CBLN2: variants seen among roughly 807,000 people sequenced by gnomAD.
CBLN2 encodes the protein cerebellin 2 precursor, also known as cerebellin-2.
A neutral mutation model predicts 15.0 loss-of-function variants in CBLN2; 7 were observed. The observed-to-expected ratio is 0.47, with a 90% CI of 0.27 to 0.88. The LOEUF (loss-of-function observed/expected upper bound fraction) is 0.88. CBLN2 is among the 40% of genes least tolerant of loss of function. CBLN2 has a pLI of 0.14. For synonymous variants in CBLN2, 149 were observed against 135.2 expected (o/e 1.10, Z -0.71); for missense variants, 242 against 304.5 (o/e 0.79, Z 1.53).
upstream of CBLN2, among the ~76,000 whole-genome samples, chr18:72,546,758 T>C (rs2069160999): frequency 6.6e-6 from 1 of 152,144 alleles, no homozygotes; most frequent in Admixed American, 6.5e-5. Context: ...AAGACAGGTG[T>C]TCACACAGAG....
chr18:72,589,701 G>A (rs1311894825), intron 1 of CBLN2, among the ~76,000 whole-genome samples: 2 of 152,190 alleles, frequency 1.3e-5, no homozygotes, highest in Admixed American at 6.5e-5. Flanking sequence ...ATGAGGTAGA[G>A]ACAAGACATA....
At chr18:72,545,477 T>C (rs1009444379), upstream of CBLN2, among the ~76,000 whole-genome samples, 4 of 152,224 alleles carry the variant, frequency 2.6e-5, no homozygotes, top group Admixed American at 2.6e-4. Context: ...ATGCTGGAGA[T>C]AGGTACTGGC....
At chr18:72,590,562 AAAC>A (rs781751097) in intron 1 of CBLN2, among the ~76,000 whole-genome samples, 18 of 152,358 alleles carry the variant, frequency 1.2e-4, no homozygotes, top group Middle Eastern at 3.4e-3. Context: ...TTTTTCTTAA[AAAC>A]AACAACAACA....
chr18:72,547,359 G>T (rs190982049), upstream of CBLN2, among the ~76,000 whole-genome samples: 2 of 152,120 alleles, frequency 1.3e-5, no homozygotes, highest in Non-Finnish European at 2.9e-5. Flanking sequence ...GGGCAGGAGG[G>T]TAGGAGGATG....
At chr18:72,607,458 T>C (rs1330188247) in intron 1 of CBLN2, among the ~76,000 whole-genome samples, 1 of 152,216 alleles carries the variant, frequency 6.6e-6, no homozygotes, top group African/African-American at 2.4e-5. Context: ...CTTTCTCCTG[T>C]AGGATCAGTT....
chr18:72,537,071 T>C lies in CBLN2; in HGVS notation c.*1105A>G, dbSNP rs1015234948. 6.6e-6 allele frequency: 1 copy of C among 152,216 alleles called. No individual in the cohort carries two copies. The highest frequency in any genetic ancestry group is 3.2e-3 in the Middle Eastern group (1 of 316). 9.4% of individuals were successfully genotyped at this position (152,216 alleles called of 1,614,324 possible). ...TGTTGGCTTTGAAGCACCTGATCAC[T>C]GTGCGCTCACTCAGAGGTGGATCCA... On this transcript the variant is annotated 3_prime_UTR_variant, in exon 5 of 5. Coordinates refer to ENST00000269503, the MANE Select transcript of CBLN2 (RefSeq NM_182511.4).
intron 1 of CBLN2, chr18:72,625,321 G>A (rs1197295292): frequency 6.6e-6 from 1 of 152,100 alleles, no homozygotes; most frequent in African/African-American, 2.4e-5. Flanking sequence ...CTCGGGCTGT[G>A]GACGCTCAGG....
intron 1 of CBLN2, among the ~76,000 whole-genome samples, chr18:72,567,744 C>G (rs962379236): frequency 1.2e-4 from 19 of 152,208 alleles, no homozygotes; most frequent in Non-Finnish European, 1.5e-4. Context: ...ATTCCTGTTA[C>G]ACAGATGCTC....
At chr18:72,546,785 T>C (rs1476833862), upstream of CBLN2, among the ~76,000 whole-genome samples, 1 of 152,190 alleles carries the variant, frequency 6.6e-6, no homozygotes, top group Non-Finnish European at 1.5e-5. Context: ...AGGAACATAT[T>C]CTAATATTAG....
chr18:72,551,249 C>T (rs974863449), intron 1 of CBLN2, among the ~76,000 whole-genome samples: 1 of 151,980 alleles, frequency 6.6e-6, no homozygotes, highest in African/African-American at 2.4e-5. Flanking sequence ...TATATATATA[C>T]ACATCTATAC....
intron 1 of CBLN2, among the ~76,000 whole-genome samples, chr18:72,599,370 A>C (rs1293551812): frequency 6.6e-6 from 1 of 152,240 alleles, no homozygotes; most frequent in Non-Finnish European, 1.5e-5. Flanking sequence ...TAATACAAAA[A>C]TGGATGTACC....
intron 1 of CBLN2, among the ~76,000 whole-genome samples, chr18:72,611,587 G>T (rs1039891430): frequency 6.6e-6 from 1 of 151,910 alleles, no homozygotes; most frequent in Non-Finnish European, 1.5e-5. Flanking sequence ...TTTTTAATGG[G>T]GTATTTGTTT....
At chr18:72,590,266 AAAAAACAAAAAAC>A (rs2069471570) in intron 1 of CBLN2, among the ~76,000 whole-genome samples, 1 of 151,620 alleles carries the variant, frequency 6.6e-6, no homozygotes, top group African/African-American at 2.4e-5. Context: ...CTCCGTCTCA[AAAAAACAAAAAAC>A]AAAAACAAAA....
chr18:72,548,816 A>G (rs974637450), upstream of CBLN2, among the ~76,000 whole-genome samples: 23 of 152,046 alleles, frequency 1.5e-4, no homozygotes, highest in African/African-American at 5.3e-4. Context: ...CTGCACCATA[A>G]ATGCACCCAG....
At chr18:72,541,744 C>G in intron 3 of CBLN2, 60 bp downstream of exon 3, 1 of 1,387,652 alleles carries the variant, frequency 7.2e-7, no homozygotes, top group South Asian at 1.4e-5. Flanking sequence ...CCAGCCCGCG[C>G]GCGCAGGTCC....
intron 1 of CBLN2, among the ~76,000 whole-genome samples, chr18:72,554,643 A>T (rs1444594965): frequency 6.6e-6 from 1 of 152,014 alleles, no homozygotes; most frequent in Non-Finnish European, 1.5e-5. Flanking sequence ...AAAAAAAAAA[A>T]TTGAATGCCT....
intron 1 of CBLN2, among the ~76,000 whole-genome samples, chr18:72,605,211 AT>A (rs964241111): frequency 6.6e-6 from 1 of 152,142 alleles, no homozygotes; most frequent in African/African-American, 2.4e-5. Flanking sequence ...TCTTTATTTT[AT>A]TTTATTTTAT....
chr18:72,576,140 C>A (rs527819222), intron 1 of CBLN2, among the ~76,000 whole-genome samples: 12 of 152,292 alleles, frequency 7.9e-5, no homozygotes, highest in African/African-American at 2.9e-4. Context: ...ACATTTACAA[C>A]GGCAGGTATT....
chr18:72,599,569 A>T (rs1294072964), intron 1 of CBLN2, among the ~76,000 whole-genome samples: 1 of 152,220 alleles, frequency 6.6e-6, no homozygotes, highest in Non-Finnish European at 1.5e-5. Flanking sequence ...TTGCTGATTA[A>T]CCAAATTAGA....
Sources: allele counts gnomAD v4.1 joint callset (sites outside exome capture counted in the v4.1 genomes callset), GRCh38; gene constraint gnomAD v4.1.1; transcripts MANE v1.5; gene names NCBI Gene and HGNC (gene_info 2026-07-23, HGNC 2026-07-21).